SLC44A5: variants seen among roughly 807,000 people sequenced by gnomAD.
SLC44A5 encodes choline transporter-like protein 5.
Under a neutral mutation model 101.8 loss-of-function variants are expected in SLC44A5, and 57 were observed. The ratio of observed to expected loss-of-function variants is 0.56; its 90% CI spans 0.45 to 0.70. SLC44A5 has a LOEUF of 0.70. SLC44A5 is among the 30% of genes least tolerant of loss of function. The pLI is 0.00. For synonymous variants in SLC44A5, 281 were observed against 290.9 expected, an observed-to-expected ratio of 0.97 and a Z score of 0.35; for missense variants, 737 against 853.1, an observed-to-expected ratio of 0.86 and a Z score of 1.70.
chr1:75,269,754 A>C (rs1651307925), intron 6 of SLC44A5, among the ~76,000 whole-genome samples: 1 of 152,090 alleles, frequency 6.6e-6, no homozygotes, highest in Non-Finnish European at 1.5e-5. Flanking sequence ...ATAGTTTCAC[A>C]TTGTTATAAT....
At chr1:75,470,998 G>A (rs943162519) in intron 2 of SLC44A5, among the ~76,000 whole-genome samples, 1 of 151,970 alleles carries the variant, frequency 6.6e-6, no homozygotes, top group African/African-American at 2.4e-5. Context: ...AGTATTTTGG[G>A]GGTAAATGAA....
chr1:75,612,278 G>A (rs1006578251), upstream of SLC44A5, among the ~76,000 whole-genome samples: 2 of 152,130 alleles, frequency 1.3e-5, no homozygotes, highest in African/African-American at 4.8e-5. Flanking sequence ...CAAATAGCAA[G>A]TGAATATCCA....
At chr1:75,242,578 C>A (rs1648729808) in intron 8 of SLC44A5, among the ~76,000 whole-genome samples, 2 of 151,960 alleles carry the variant, frequency 1.3e-5, no homozygotes, top group Non-Finnish European at 2.9e-5. Flanking sequence ...ATGGTGATTG[C>A]AAATGACATT....
chr1:75,388,773 C>T (rs558745386), intron 3 of SLC44A5, among the ~76,000 whole-genome samples: 138 of 149,740 alleles, frequency 9.2e-4, no homozygotes, highest in Non-Finnish European at 1.5e-3. Context: ...AGCGAGACTC[C>T]GTCTAAAAAA....
At chr1:75,543,417 G>T (rs1375967028) in intron 1 of SLC44A5, among the ~76,000 whole-genome samples, 1 of 151,688 alleles carries the variant, frequency 6.6e-6, no homozygotes, top group African/African-American at 2.4e-5. Flanking sequence ...AAAAATATCT[G>T]AGTTGTTGTA....
At chr1:75,297,740 A>T (rs1304226216) in intron 5 of SLC44A5, among the ~76,000 whole-genome samples, 1 of 152,192 alleles carries the variant, frequency 6.6e-6, no homozygotes, top group Admixed American at 6.5e-5. Flanking sequence ...CCAAAGTAGG[A>T]CAAAGAAGGG....
At chr1:75,718,152 T>C in the SLC44A5 span, among the ~76,000 whole-genome samples, 1 of 152,346 alleles carries the variant, frequency 6.6e-6, no homozygotes, top group South Asian at 2.1e-4. Flanking sequence ...AAAACGGACA[T>C]TGTATCTGAC....
chr1:75,216,039 A>G (rs1437513380), intron 18 of SLC44A5, among the ~76,000 whole-genome samples, 182 bp from the exon 19 acceptor site: 1 of 152,046 alleles, frequency 6.6e-6, no homozygotes, highest in Non-Finnish European at 1.5e-5. Context: ...TGAGTAATTT[A>G]TAATGTTGTA....
At chr1:75,254,946 G>A (rs531868857) in intron 6 of SLC44A5, among the ~76,000 whole-genome samples, 1 of 152,272 alleles carries the variant, frequency 6.6e-6, no homozygotes, top group East Asian at 1.9e-4. Flanking sequence ...GAAAGTTTAT[G>A]ATTTTGTGTT....
chr1:75,345,095 T>C (rs1658151295), intron 3 of SLC44A5, among the ~76,000 whole-genome samples: 1 of 151,764 alleles, frequency 6.6e-6, no homozygotes, highest in Non-Finnish European at 1.5e-5. Flanking sequence ...AGGATCAATC[T>C]TGGCAGTCAC....
rs778827066 is a variant in SLC44A5 at position 75,219,900 on chromosome 1, A to G, written c.1086-8T>C. On this transcript the variant is annotated splice_polypyrimidine_tract_variant and splice_region_variant and intron_variant, in intron 14 of 23. Transcript: ENST00000370859. ...GGAACATATCCAATGGCTCTGAAAT[A>G]AAACAAATAGTTGAAATTCAATTGT... The G allele has an allele frequency of 2.6e-6, 4 of 1,563,182 alleles. No homozygotes were observed. Among genetic ancestry groups the G allele is most frequent in the Non-Finnish European group, 3.5e-6 (4 of 1,140,642 alleles).
intron 4 of SLC44A5, among the ~76,000 whole-genome samples, chr1:75,320,900 A>G (rs1656090572): frequency 6.6e-6 from 1 of 152,156 alleles, no homozygotes; most frequent in African/African-American, 2.4e-5. Context: ...TAAGCTACTG[A>G]TACATGACCG....
At chr1:75,565,570 A>G (rs1211253536) in intron 1 of SLC44A5, among the ~76,000 whole-genome samples, 1 of 152,226 alleles carries the variant, frequency 6.6e-6, no homozygotes, top group Non-Finnish European at 1.5e-5. Context: ...CTAAATGGCC[A>G]TAGCCATTTC....
intron 3 of SLC44A5, among the ~76,000 whole-genome samples, chr1:75,360,240 T>G (rs1407732995): frequency 6.6e-6 from 1 of 152,206 alleles, no homozygotes; most frequent in Non-Finnish European, 1.5e-5. Flanking sequence ...AAAAAATCCA[T>G]GACCAGACAA....
intron 3 of SLC44A5, among the ~76,000 whole-genome samples, chr1:75,390,610 T>A (rs1200465183): frequency 3.3e-5 from 5 of 152,046 alleles, no homozygotes; most frequent in African/African-American, 1.2e-4. Flanking sequence ...TTTGATAAAA[T>A]CCAATATCCC....
At chr1:75,619,066 G>C in the SLC44A5 span, among the ~76,000 whole-genome samples, 1 of 57,420 alleles carries the variant, frequency 1.7e-5, no homozygotes, top group East Asian at 7.7e-4. Context: ...GCGAAACTCT[G>C]TCTCAAAAAA....
chr1:75,430,077 C>A (rs533716749), intron 2 of SLC44A5, among the ~76,000 whole-genome samples: 1 of 152,088 alleles, frequency 6.6e-6, no homozygotes, highest in Non-Finnish European at 1.5e-5. Context: ...TGAATGTGTC[C>A]CCCAACATTT....
upstream of SLC44A5, among the ~76,000 whole-genome samples, chr1:75,614,331 T>C (rs941596937): frequency 6.6e-6 from 1 of 152,228 alleles, no homozygotes; most frequent in African/African-American, 2.4e-5. Flanking sequence ...GCCCCTCTAA[T>C]TTTACAGGAG....
At chr1:75,258,902 C>T (rs1168869319) in intron 6 of SLC44A5, among the ~76,000 whole-genome samples, 2 of 152,054 alleles carry the variant, frequency 1.3e-5, no homozygotes, top group African/African-American at 4.8e-5. Context: ...GAGTGGACCT[C>T]CAGTAAACTC....
Sources: allele counts gnomAD v4.1 joint callset (sites outside exome capture counted in the v4.1 genomes callset), GRCh38; gene constraint gnomAD v4.1.1; transcripts MANE v1.5; gene names NCBI Gene and HGNC (gene_info 2026-07-23, HGNC 2026-07-21).